Variants in TMPRSS11D observed in about 807,000 individuals in gnomAD.
TMPRSS11D encodes the protein transmembrane serine protease 11D.
TMPRSS11D carries 32 observed loss-of-function variants against 44.4 expected under a neutral mutation model. The ratio of observed to expected loss-of-function variants is 0.72; its 90% confidence interval spans 0.54 to 0.97. TMPRSS11D has a LOEUF of 0.97. Ranked by LOEUF, TMPRSS11D falls within the 50% of genes least tolerant of loss-of-function variation. The pLI, the probability that TMPRSS11D is intolerant of heterozygous loss-of-function variation, is 0.00. For missense variants in TMPRSS11D, 446 were observed against 502.6 expected, an observed-to-expected ratio of 0.89 and a Z score of 1.08; for synonymous variants, 179 against 177.9, an observed-to-expected ratio of 1.01 and a Z score of -0.05.
chr4:67,847,318 C>T (rs1194367206), intron 3 of TMPRSS11D, among the ~76,000 whole-genome samples: 1 of 152,112 alleles, frequency 6.6e-6, no homozygotes, highest in African/African-American at 2.4e-5. Context: ...CATTGCTTTA[C>T]CTGTTAATAT....
intron 2 of TMPRSS11D, 79 bp from the exon 3 acceptor site, chr4:67,854,265 G>T: frequency 1.4e-6 from 1 of 716,812 alleles, no homozygotes; most frequent in Non-Finnish European, 2.3e-6. Flanking sequence ...ATTATGGGAG[G>T]TTATATTATA....
chr4:67,827,229 C>T, intron 8 of TMPRSS11D, 32 bp downstream of exon 8: 1 of 1,563,476 alleles, frequency 6.4e-7, no homozygotes, highest in Non-Finnish European at 8.6e-7. Flanking sequence ...TAAGACATTT[C>T]TATTGTTAAT....
chr4:67,844,976 A>G (rs1577813969), intron 3 of TMPRSS11D, among the ~76,000 whole-genome samples: 1 of 152,170 alleles, frequency 6.6e-6, no homozygotes, highest in Non-Finnish European at 1.5e-5. Flanking sequence ...ACTTTAATCG[A>G]AGTAGAAAAA....
chr4:67,871,999 G>A (rs758441059), intron 1 of TMPRSS11D, among the ~76,000 whole-genome samples: 6 of 152,102 alleles, frequency 3.9e-5, no homozygotes, highest in Non-Finnish European at 8.8e-5. Context: ...AGAATCATAA[G>A]AGAGAGAGCC....
At chr4:67,831,567 G>C (rs1717947162) in intron 7 of TMPRSS11D, among the ~76,000 whole-genome samples, 1 of 152,102 alleles carries the variant, frequency 6.6e-6, no homozygotes, top group Non-Finnish European at 1.5e-5. Flanking sequence ...AGAATCCAGG[G>C]AGGTTTCTAT....
intron 1 of TMPRSS11D, among the ~76,000 whole-genome samples, chr4:67,863,981 A>G (rs1365974347): frequency 1.3e-5 from 2 of 152,026 alleles, no homozygotes; most frequent in East Asian, 3.9e-4. Context: ...AACAACAGTT[A>G]TTGTACAGTA....
chr4:67,869,248 T>C (rs757409653), intron 1 of TMPRSS11D, among the ~76,000 whole-genome samples: 1 of 152,052 alleles, frequency 6.6e-6, no homozygotes, highest in Non-Finnish European at 1.5e-5. Flanking sequence ...TGAAAAAGAG[T>C]ATTGGAAACC....
At chr4:67,875,932 G>A (rs1719180176) in intron 1 of TMPRSS11D, among the ~76,000 whole-genome samples, 2 of 152,182 alleles carry the variant, frequency 1.3e-5, no homozygotes, top group Non-Finnish European at 2.9e-5. Flanking sequence ...TAAAAGGATA[G>A]GTTAGATGAT....
intron 8 of TMPRSS11D, 43 bp from the exon 9 acceptor site, chr4:67,825,917 G>T (rs772984018): frequency 6.4e-7 from 1 of 1,566,494 alleles, no homozygotes; most frequent in Non-Finnish European, 8.7e-7. Context: ...TTCAAGATGT[G>T]TACATTATTG....
At position 67,825,751 on chromosome 4, in the gene TMPRSS11D, C is replaced by T. The variant is rs1312529421; in HGVS notation, c.1076G>A (p.Gly359Asp). 1.2e-6 allele frequency: 2 copies of T among 1,612,840 alleles called. No individual in the cohort carries two copies. Among genetic ancestry groups the T allele is most frequent in the Admixed American group, 1.7e-5 (1 of 59,798 alleles). The change falls in exon 9 of 10, where the codon GGT becomes GAT. Residue 359 changes from glycine (G) to aspartate (D), a missense_variant. Coordinates refer to ENST00000283916, the MANE Select transcript of TMPRSS11D (RefSeq NM_004262.3). ...GCTTACCTGACATGCGTCCACTCCACCTTGAGGTACTCCAGCACACAGCAT... is the reference window on the plus strand; with the variant it reads ...GCTTACCTGACATGCGTCCACTCCATCTTGAGGTACTCCAGCACACAGCAT... ...SGMLCAGVPQ[G>D]GVDACQGDSG...
At chr4:67,867,227 G>A (rs1302442263) in intron 1 of TMPRSS11D, among the ~76,000 whole-genome samples, 1 of 152,000 alleles carries the variant, frequency 6.6e-6, no homozygotes. Context: ...AACATACACT[G>A]GGGAAAGGAC....
At chr4:67,838,962 A>G (rs1718168167) in intron 4 of TMPRSS11D, 1 of 152,100 alleles carries the variant, frequency 6.6e-6, no homozygotes, top group African/African-American at 2.4e-5. Context: ...ACTTGATTAA[A>G]TATTTGGATT....
At chr4:67,842,749 C>T in intron 3 of TMPRSS11D, 124 bp from the exon 4 acceptor site, 1 of 836,100 alleles carries the variant, frequency 1.2e-6, no homozygotes, top group Non-Finnish European at 1.9e-6. Flanking sequence ...TTAGTTCAAC[C>T]TAATTCCATT....
At chr4:67,842,079 T>C (rs1329096161) in intron 4 of TMPRSS11D, among the ~76,000 whole-genome samples, 1 of 152,192 alleles carries the variant, frequency 6.6e-6, no homozygotes, top group African/African-American at 2.4e-5. Flanking sequence ...CTATTATTAA[T>C]TCATGATAGA....
chr4:67,868,910 A>C (rs1577830153), intron 1 of TMPRSS11D, among the ~76,000 whole-genome samples: 1 of 152,288 alleles, frequency 6.6e-6, no homozygotes, highest in East Asian at 1.9e-4. Flanking sequence ...TGTGTGTGGA[A>C]AAGAAAGGTT....
At chr4:67,840,119 A>C (rs1166061569) in intron 4 of TMPRSS11D, among the ~76,000 whole-genome samples, 1 of 152,000 alleles carries the variant, frequency 6.6e-6, no homozygotes, top group Non-Finnish European at 1.5e-5. Flanking sequence ...AAATTTAAGC[A>C]TACAATTTCA....
chr4:67,834,250 A>G (rs572771039), intron 6 of TMPRSS11D, among the ~76,000 whole-genome samples: 1 of 149,412 alleles, frequency 6.7e-6, no homozygotes, highest in Admixed American at 6.6e-5. Context: ...TAATAGCACA[A>G]CCACCTAAAG....
At chr4:67,861,279 C>T (rs1718786097) in intron 1 of TMPRSS11D, among the ~76,000 whole-genome samples, 1 of 152,120 alleles carries the variant, frequency 6.6e-6, no homozygotes, top group South Asian at 2.1e-4. Flanking sequence ...AGAAAACTGT[C>T]ACTTTGACAT....
intron 9 of TMPRSS11D, among the ~76,000 whole-genome samples, chr4:67,824,554 A>T (rs1174482909): frequency 1.3e-5 from 2 of 152,146 alleles, no homozygotes; most frequent in African/African-American, 4.8e-5. Context: ...AAGGAGATAA[A>T]GGACTGGGTA....
Sources: gnomAD v4.1 joint callset for allele counts (sites outside exome capture counted in the v4.1 genomes callset) on GRCh38, gnomAD v4.1.1 for gene constraint, MANE v1.5 for transcripts, NCBI Gene and HGNC (gene_info 2026-07-23, HGNC 2026-07-21) for gene names.